MGA: variants seen among roughly 807,000 people sequenced by gnomAD.
MGA encodes the protein MAX gene-associated protein.
MGA carries 40 observed loss-of-function variants against 261.1 expected under a neutral mutation model. The ratio of observed to expected loss-of-function variants is 0.15; its 90% confidence interval spans 0.12 to 0.20. The LOEUF (loss-of-function observed/expected upper bound fraction) is 0.20, where lower values mean the gene tolerates loss of function less well. MGA is among the 10% of genes least tolerant of loss of function. MGA has a pLI of 1.00. For synonymous variants in MGA, 1,302 were observed against 1,290.6 expected (o/e 1.01, Z -0.19); for missense variants, 3,397 against 3,630.5 (o/e 0.94, Z 1.65).
chr15:41,661,146 A>G (rs1183998303), intron 1 of MGA, among the ~76,000 whole-genome samples: 1 of 152,196 alleles, frequency 6.6e-6, no homozygotes, highest in African/African-American at 2.4e-5. Context: ...GACTTGGTAA[A>G]CAAAGGACCG....
chr15:41,721,382 C>T (rs900584977), intron 9 of MGA, among the ~76,000 whole-genome samples: 13 of 152,060 alleles, frequency 8.5e-5, no homozygotes, highest in Admixed American at 2.0e-4. Context: ...GCACAAAAAT[C>T]GCTTGAACCT....
At chr15:41,746,638 T>G (rs1381865906) in intron 15 of MGA, among the ~76,000 whole-genome samples, 1 of 152,106 alleles carries the variant, frequency 6.6e-6, no homozygotes, top group African/African-American at 2.4e-5. Flanking sequence ...GTGTTTTATT[T>G]AATTTTTAAG....
At chr15:41,682,293 A>T (rs534696096) in intron 2 of MGA, among the ~76,000 whole-genome samples, 1 of 152,040 alleles carries the variant, frequency 6.6e-6, no homozygotes, top group Non-Finnish European at 1.5e-5. Flanking sequence ...GTGCATACAC[A>T]TATTCATCTA....
intron 9 of MGA, among the ~76,000 whole-genome samples, 190 bp downstream of exon 9, chr15:41,713,686 G>A (rs767657241): frequency 3.3e-5 from 5 of 152,088 alleles, no homozygotes; most frequent in Non-Finnish European, 7.3e-5. Flanking sequence ...TTTTTAAGTT[G>A]AATTGTTCTC....
intron 1 of MGA, among the ~76,000 whole-genome samples, chr15:41,633,717 C>T (rs981491736): frequency 1.3e-5 from 2 of 152,136 alleles, no homozygotes; most frequent in Non-Finnish European, 2.9e-5. Flanking sequence ...GCCACTGTGC[C>T]CGGCCTGTGA....
rs777793672 is a variant in MGA, at chr15:41,749,488, C to G, written c.5881C>G (p.Gln1961Glu). The G allele has an allele frequency of 6.2e-6, 10 of 1,613,886 alleles. No homozygotes were observed. Among genetic ancestry groups the G allele is most frequent in the Middle Eastern group, 1.6e-4 (1 of 6,084 alleles). Residue 1961 changes from glutamine (Q) to glutamate (E), a missense_variant, in exon 17 of 24, where the codon CAG becomes GAG. This residue lies in a region of MGA where 1,410 missense variants were observed against 1,386.4 expected (regional missense o/e 1.02). Transcript: ENST00000219905. ...AAAGCCTGTTCCTAGCTCCATTCTT[C>G]AGCATGTTGCTTCCCTTCAGATGAA... is the stretch of plus-strand genomic sequence containing the variant.
intron 19 of MGA, 177 bp from the exon 20 acceptor site, chr15:41,760,146 T>G (rs1016072462): frequency 9.9e-6 from 6 of 604,794 alleles, no homozygotes; most frequent in Non-Finnish European, 1.8e-5. Context: ...CTGTTGGCAT[T>G]GTAAGAGTTA....
rs750366296 is a variant in MGA, at chr15:41,749,968, G to A, written c.6361G>A (p.Asp2121Asn). ...GAAGGTGGAACAGCAGAAAGGATTT[G>A]ACAATCCAGAAGAAAACTCAAGTGA... Residue 2121 changes from aspartate (D) to asparagine (N), a missense_variant, in exon 17 of 24, where the codon GAC (aspartate) becomes AAC (asparagine). This residue lies in a region of MGA where 1,410 missense variants were observed against 1,386.4 expected (regional missense o/e 1.02). Coordinates refer to ENST00000219905, the MANE Select transcript of MGA (RefSeq NM_001164273.2). 1.2e-6 allele frequency: 2 copies of A among 1,612,846 alleles called. No homozygotes were observed. Among genetic ancestry groups the A allele is most frequent in the South Asian group, 2.2e-5 (2 of 90,900 alleles).
At chr15:41,657,339 CTTTTTTTTTTTT>C (rs373920516), upstream of MGA, among the ~76,000 whole-genome samples, 3 of 106,922 alleles carry the variant, frequency 2.8e-5, no homozygotes, top group African/African-American at 1.3e-4. Context: ...AGTGAAGGCC[CTTTTTTTTTTTT>C]TTTTTTTTTT....
At chr15:41,676,092 G>C (rs2058359415) in intron 2 of MGA, among the ~76,000 whole-genome samples, 1 of 152,222 alleles carries the variant, frequency 6.6e-6, no homozygotes, top group African/African-American at 2.4e-5. Flanking sequence ...GGGTGCACCT[G>C]GAGTTTCTGG....
intron 2 of MGA, among the ~76,000 whole-genome samples, chr15:41,684,890 T>C (rs1037313112): frequency 2.6e-5 from 4 of 152,226 alleles, no homozygotes; most frequent in African/African-American, 9.6e-5. Flanking sequence ...TTTTGCTTGC[T>C]TAATCTTTAA....
chr15:41,725,639 C>G lies in MGA; in HGVS notation c.3431-1541C>G, dbSNP rs1054356242. Among the ~76,000 whole-genome samples, 37 of 11,056 alleles carry G rather than the reference C, an allele frequency of 3.3e-3. 16 individuals are homozygous for G. The highest frequency in any genetic ancestry group is 8.9e-3 in the Non-Finnish European group (31 of 3,492). The allele number at this position is 11,056 out of a possible 152,430, so 7.3% of individuals were successfully genotyped here. A position where few individuals can be genotyped will look rare whatever the true frequency, so the allele number is the denominator to read the frequency against. ...ACGAGGTCAGGAGATCGAGACCATC[C>G]CGGCTAAAAAACGGTGAAACCCCGT... On this transcript the variant is annotated intron_variant, in intron 9 of 23. Coordinates refer to ENST00000219905, the MANE Select transcript of MGA (RefSeq NM_001164273.2).
rs965042715 is a variant in MGA at position 41,678,160 on chromosome 15, G to C, written c.1064+8202G>C. Reference sequence around the variant, plus strand: ...GGCTGGAGTGCAGTGGTGTGATCTCGACTCACTGCAACCTGTGCCTCCCAG... The same window carrying C: ...GGCTGGAGTGCAGTGGTGTGATCTCCACTCACTGCAACCTGTGCCTCCCAG... On this transcript the variant is annotated intron_variant, in intron 2 of 23. Coordinates refer to ENST00000219905, the MANE Select transcript of MGA (RefSeq NM_001164273.2). Among the ~76,000 whole-genome samples the C allele has an allele frequency of 6.7e-5, 10 of 148,592 alleles. No homozygotes were observed. The Admixed American group carries it at 6.8e-4, about 10-fold the overall frequency.
chr15:41,638,192 G>A (rs577239381), intron 1 of MGA, among the ~76,000 whole-genome samples: 3 of 150,626 alleles, frequency 2.0e-5, no homozygotes, highest in African/African-American at 7.3e-5. Context: ...ATAGGTGTGC[G>A]CTGCCATGCC....
chr15:41,697,485 C>T (rs2059604214), intron 3 of MGA, among the ~76,000 whole-genome samples: 1 of 148,120 alleles, frequency 6.8e-6, no homozygotes, highest in African/African-American at 2.5e-5. Flanking sequence ...GGCACGATCT[C>T]AGCTCACTGC....
In MGA at chr15:41,752,866, T is replaced by C. The variant is rs535528308; in HGVS notation, c.7009-1571T>C. 4.4e-4 allele frequency among the ~76,000 whole-genome samples: 67 copies of C among 152,288 alleles called. No homozygotes were observed. The South Asian group carries it at 0.011, about 24-fold the overall frequency. On this transcript the variant is annotated intron_variant, in intron 17 of 23. Transcript: ENST00000219905. ...GAGCAACTGCCTCCGGCCTGAAGTA[T>C]CTTAATCATACAAGGAGGCATTGCT...
chr15:41,718,693 T>G lies in MGA; in HGVS notation c.3430+5197T>G, dbSNP rs566560681. On this transcript the variant is annotated intron_variant, in intron 9 of 23. Transcript: ENST00000219905. ...GTTCAAGCTCCACCTGATTAAGAGA[T>G]ATTTTTGAAAGATTGACAAAATTCA... is the stretch of plus-strand genomic sequence containing the variant. 1.8e-4 allele frequency: 42 copies of G among 232,956 alleles called. 1 individual carries two copies. The East Asian group carries it at 2.9e-3, about 16-fold the overall frequency. The allele number at this position is 232,956 out of a possible 1,614,324, so 14.4% of individuals were successfully genotyped here. A position where few individuals can be genotyped will look rare whatever the true frequency, so the allele number is the denominator to read the frequency against.
At chr15:41,666,614 T>C (rs943175506) in intron 1 of MGA, among the ~76,000 whole-genome samples, 8 of 152,224 alleles carry the variant, frequency 5.3e-5, no homozygotes, top group African/African-American at 1.9e-4. Context: ...TTAAAAGATG[T>C]GTGGCATAAT....
chr15:41,701,315 A>G (rs1467187855), intron 5 of MGA, among the ~76,000 whole-genome samples: 1 of 151,690 alleles, frequency 6.6e-6, no homozygotes, highest in Non-Finnish European at 1.5e-5. Context: ...TTTTAACTTA[A>G]TCTCCCACAT....
Sources: allele counts gnomAD v4.1 joint callset (sites outside exome capture counted in the v4.1 genomes callset), GRCh38; gene constraint gnomAD v4.1.1; regional missense constraint gnomAD v4.1.1; transcripts MANE v1.5; gene names NCBI Gene and HGNC (gene_info 2026-07-23, HGNC 2026-07-21).